Variants in RSKR observed in about 807,000 individuals in gnomAD.
The protein encoded by RSKR is ribosomal protein S6 kinase related, also known as ribosomal protein S6 kinase-related protein.
Under a neutral mutation model 56.8 loss-of-function variants are expected in RSKR, and 44 were observed. That is an observed-to-expected ratio of 0.77 (90% CI 0.61 to 1.00). The LOEUF (loss-of-function observed/expected upper bound fraction) is 1.00, where lower values mean the gene tolerates loss of function less well. Ranked by LOEUF, RSKR falls within the 50% of genes least tolerant of loss-of-function variation. The pLI is 0.00. For synonymous variants in RSKR, 181 were observed against 188.0 expected, an observed-to-expected ratio of 0.96 and a Z score of 0.30; for missense variants, 510 against 506.9, an observed-to-expected ratio of 1.01 and a Z score of -0.06.
chr17:28,610,027 T>C lies in RSKR; in HGVS notation c.*451A>G. ...GAGAACGCACCACTGCACTCCAGCCTGGGCAACAGAGTGAGACTCTGTCTC... is the reference window on the plus strand; with the variant it reads ...GAGAACGCACCACTGCACTCCAGCCCGGGCAACAGAGTGAGACTCTGTCTC... On this transcript the variant is annotated 3_prime_UTR_variant, in exon 12 of 12. Coordinates refer to ENST00000301037, the MANE Select transcript of RSKR (RefSeq NM_001174103.2). 6.3e-6 allele frequency: 1 copy of C among 159,782 alleles called. No homozygotes were observed. 9.9% of individuals were successfully genotyped at this position (159,782 alleles called of 1,614,324 possible).
chr17:28,613,304 G>A lies in RSKR; in HGVS notation c.366C>T (p.Leu122=), dbSNP rs1393261991. ...LVAKGSFGTV[L]KVLDCTQKAV... is the part of the protein sequence containing the mutation. ...CTTTCTGGGTGCAATCTAGCACCTT[G>A]AGGACAGTTCCAAAGGAGCCTTTAG... The change falls in exon 3 of 12, where the codon CTC becomes CTT. Residue 122 remains leucine (L), a synonymous_variant. Transcript: ENST00000301037. 1 of 1,614,226 alleles carries A rather than the reference G, an allele frequency of 6.2e-7. No homozygotes were observed. The highest frequency in any genetic ancestry group is 8.5e-7 in the Non-Finnish European group (1 of 1,180,052).
intron 4 of RSKR, 58 bp downstream of exon 4, chr17:28,613,020 A>T: frequency 6.4e-7 from 1 of 1,574,634 alleles, no homozygotes; most frequent in Non-Finnish European, 8.7e-7. Flanking sequence ...CAAGAAAGGT[A>T]CTTTCCCTAC....
In RSKR at chr17:28,612,290, G is replaced by A; in HGVS notation, c.624C>T (p.Leu208=). 6.2e-7 allele frequency: 1 copy of A among 1,614,160 alleles called. No individual in the cohort carries two copies. Among genetic ancestry groups the A allele is most frequent in the Non-Finnish European group, 8.5e-7 (1 of 1,180,032 alleles). ...VGCFPEASIR[L]FAAELVLVLC... is the part of the protein sequence containing the mutation. ...GTACCAGCACCAACTCGGCAGCAAA[G>A]AGACGGATGGAAGCCTCAGGAAAGC... The change falls in exon 6 of 12, where the codon CTC becomes CTT. Residue 208 remains leucine (L), a synonymous_variant. Transcript: ENST00000301037.
In RSKR at chr17:28,610,448, C is replaced by T. The variant is rs757634564; in HGVS notation, c.*30G>A. 5.2e-6 allele frequency: 8 copies of T among 1,529,310 alleles called. No individual in the cohort carries two copies. In the South Asian group the frequency reaches 8.3e-5, roughly 16 times the overall value. 94.7% of individuals were successfully genotyped at this position (1,529,310 alleles called of 1,614,324 possible). On this transcript the variant is annotated 3_prime_UTR_variant, in exon 12 of 12. Transcript: ENST00000301037. ...GCAGGGATGGAGATCTTCAGGCTCC[C>T]AGCCGGGCCCCAATTTACAGTAGAG...
In RSKR at chr17:28,610,706, G is replaced by A; in HGVS notation, c.1012-7C>T. 1 of 1,535,830 alleles carries A rather than the reference G, an allele frequency of 6.5e-7. No homozygotes were observed. The highest frequency in any genetic ancestry group is 8.7e-7 in the Non-Finnish European group (1 of 1,146,634). ...GGGGGTTCTGGCATAAGAGCTGAAG[G>A]AAAATAGAGCATGAAGGATGAGTGA... is the stretch of plus-strand genomic sequence containing the variant. On this transcript the variant is annotated splice_region_variant and splice_polypyrimidine_tract_variant and intron_variant, in intron 11 of 11. Coordinates refer to ENST00000301037, the MANE Select transcript of RSKR (RefSeq NM_001174103.2).
chr17:28,613,369 G>T (rs773664177), intron 2 of RSKR, 24 bp from the exon 3 acceptor site: 2 of 1,614,166 alleles, frequency 1.2e-6, no homozygotes, highest in South Asian at 2.2e-5. Flanking sequence ...TGGAGAACAG[G>T]CCAGTTGAGA....
At chr17:28,611,049 A>C (rs2070805030) in intron 11 of RSKR, 94 bp downstream of exon 11, 6 of 1,181,430 alleles carry the variant, frequency 5.1e-6, no homozygotes, top group Non-Finnish European at 6.0e-6. Flanking sequence ...CCCTCAAAAA[A>C]ACTGATGAGA....
At chr17:28,613,178 T>C in intron 3 of RSKR, 32 bp from the exon 4 acceptor site, 1 of 1,613,416 alleles carries the variant, frequency 6.2e-7, no homozygotes, top group Non-Finnish European at 8.5e-7. Flanking sequence ...GACTCATAGA[T>C]AGTGCTATTG....
intron 7 of RSKR, 28 bp downstream of exon 7, chr17:28,612,012 TCAGA>T (rs770731688): frequency 3.7e-6 from 6 of 1,614,100 alleles, no homozygotes; most frequent in Non-Finnish European, 4.2e-6. Context: ...AGACTCTTTC[TCAGA>T]CAAAGGGAAA....
At chr17:28,610,756 A>G in intron 11 of RSKR, 57 bp from the exon 12 acceptor site, 1 of 1,458,924 alleles carries the variant, frequency 6.9e-7, no homozygotes, top group Non-Finnish European at 9.2e-7. Flanking sequence ...GCCTGAACAG[A>G]AAGGATGGAA....
At position 28,611,372 on chromosome 17, in the gene RSKR, A is replaced by G. The variant is rs1213969958; in HGVS notation, c.900+21T>C. The stretch of plus-strand genomic sequence containing the variant: ...ACAAGGCAAAGCTCTTCTCTGCCCA[A>G]AACTACTACTATTCTCTCACCTTTC... On this transcript the variant is annotated intron_variant, in intron 10 of 11. Coordinates refer to ENST00000301037, the MANE Select transcript of RSKR (RefSeq NM_001174103.2). 7 of 1,552,856 alleles carry G rather than the reference A, an allele frequency of 4.5e-6. No homozygotes were observed. In the South Asian group the frequency reaches 4.6e-5, roughly 10 times the overall value.
Position 28,610,618 on chromosome 17 carries a change from C to T in RSKR, c.1093G>A (p.Asp365Asn). Reference protein sequence around the residue: ...VHPFFRGVAFDPELLQKQPVN... With the variant: ...VHPFFRGVAFNPELLQKQPVN... ...GGCTGCTTCTGTAGGAGCTCTGGGT[C>T]GAAGGCCACACCCCGAAAGAAAGGG... The change falls in exon 12 of 12, where the codon GAC becomes AAC. Residue 365 changes from aspartate (D) to asparagine (N), a missense_variant. Transcript: ENST00000301037. 2 of 1,535,750 alleles carry T rather than the reference C, an allele frequency of 1.3e-6. No individual in the cohort carries two copies. Among genetic ancestry groups the T allele is most frequent in the Admixed American group, 2.0e-5 (1 of 50,932 alleles).
rs773258736 is a variant in RSKR at position 28,613,397 on chromosome 17, C to T, written c.324+43G>A. 6.2e-6 allele frequency: 10 copies of T among 1,614,022 alleles called. No individual in the cohort carries two copies. The East Asian group carries it at 2.0e-4, about 32-fold the overall frequency. On this transcript the variant is annotated intron_variant, in intron 2 of 11. Coordinates refer to ENST00000301037, the MANE Select transcript of RSKR (RefSeq NM_001174103.2). ...AGTTGAGACTGGTCATTTTTAACTT[C>T]TCCCAAAGACTGAGACCCCACTCAG...
Position 28,610,041 on chromosome 17 carries a change from A to G in RSKR, c.*437T>C. The G allele has an allele frequency of 6.0e-6, 1 of 165,346 alleles. No individual in the cohort carries two copies. Among genetic ancestry groups the G allele is most frequent in the Non-Finnish European group, 1.3e-5 (1 of 75,470 alleles). The allele number at this position is 165,346 out of a possible 1,614,324, so 10.2% of individuals were successfully genotyped here. On this transcript the variant is annotated 3_prime_UTR_variant, in exon 12 of 12. Coordinates refer to ENST00000301037, the MANE Select transcript of RSKR (RefSeq NM_001174103.2). ...GCACTCCAGCCTGGGCAACAGAGTG[A>G]GACTCTGTCTCAAAAAAAAAAAAAA... is the stretch of plus-strand genomic sequence containing the variant.
Position 28,612,191 on chromosome 17 carries a change from TTAA to T in RSKR, c.652+68_652+70del. 1.9e-6 allele frequency: 3 copies of T among 1,586,766 alleles called. No homozygotes were observed. In the Admixed American group the frequency reaches 5.0e-5, roughly 27 times the overall value. On this transcript the variant is annotated intron_variant, in intron 6 of 11. Transcript: ENST00000301037. ...TATTCTTTAACTTCCATTATTAATA[TTAA>T]TTTTTTACTCTCCTTCTTCCGAACT... is the stretch of plus-strand genomic sequence containing the variant.
chr17:28,608,094 G>T lies in RSKR; in HGVS notation c.*2384C>A. On this transcript the variant is annotated 3_prime_UTR_variant, in exon 12 of 12. Coordinates refer to ENST00000301037, the MANE Select transcript of RSKR (RefSeq NM_001174103.2). The stretch of plus-strand genomic sequence containing the variant: ...GAATAAGGAAAATAAAAGTAGAAAA[G>T]GAAGACAGAACCAAGAACATGACTA... The T allele has an allele frequency of 6.6e-6, 1 of 152,180 alleles. No homozygotes were observed. The allele number at this position is 152,180 out of a possible 1,614,324, so 9.4% of individuals were successfully genotyped here. A position where few individuals can be genotyped will look rare whatever the true frequency, so the allele number is the denominator to read the frequency against.
rs1441329108 is a variant in RSKR, at chr17:28,610,362, G to C, written c.*116C>G. 5 of 960,584 alleles carry C rather than the reference G, an allele frequency of 5.2e-6. No homozygotes were observed. In the South Asian group the frequency reaches 6.4e-5, roughly 12 times the overall value. 59.5% of individuals were successfully genotyped at this position (960,584 alleles called of 1,614,324 possible). ...CTCTGGTCTAAAGCCTAGGAGAGCA[G>C]AACGGTAAGAGGCTACAAAATAAAA... On this transcript the variant is annotated 3_prime_UTR_variant, in exon 12 of 12. Transcript: ENST00000301037.
chr17:28,610,357 GA>G lies in RSKR; in HGVS notation c.*120del. On this transcript the variant is annotated 3_prime_UTR_variant, in exon 12 of 12. Transcript: ENST00000301037. ...TGGAACTCTGGTCTAAAGCCTAGGA[GA>G]GCAGAACGGTAAGAGGCTACAAAAT... 1 of 913,334 alleles carries G rather than the reference GA, an allele frequency of 1.1e-6. No homozygotes were observed. The highest frequency in any genetic ancestry group is 1.6e-6 in the Non-Finnish European group (1 of 608,434). 56.6% of individuals were successfully genotyped at this position (913,334 alleles called of 1,614,324 possible).
rs957463209 is a variant in RSKR, at chr17:28,610,951, A to T, written c.1011+192T>A. 4.6e-6 allele frequency: 3 copies of T among 656,260 alleles called. No individual in the cohort carries two copies. In the African/African-American group the frequency reaches 5.5e-5, roughly 12 times the overall value. 40.7% of individuals were successfully genotyped at this position (656,260 alleles called of 1,614,324 possible). A position where few individuals can be genotyped will look rare whatever the true frequency, so the allele number is the denominator to read the frequency against. On this transcript the variant is annotated intron_variant, in intron 11 of 11. Coordinates refer to ENST00000301037, the MANE Select transcript of RSKR (RefSeq NM_001174103.2). ...CTCAGAAGGGACCTCTCTGTTCTAG[A>T]TGGGGAGGAGATTTGGGGGACCAGG...
Sources: allele counts gnomAD v4.1 joint callset, GRCh38; gene constraint gnomAD v4.1.1; transcripts MANE v1.5; gene names NCBI Gene and HGNC (gene_info 2026-07-23, HGNC 2026-07-21).